Variants in GSE1 observed in about 807,000 individuals in gnomAD.
GSE1 encodes genetic suppressor element 1.
GSE1 carries 32 observed loss-of-function variants against 112.6 expected under a neutral mutation model. The observed-to-expected ratio is 0.28, with a 90% confidence interval of 0.21 to 0.38. The LOEUF is 0.38. Among genes scored for constraint, GSE1 ranks in the 10% least tolerant of loss-of-function variants. GSE1 has a pLI of 1.00. For missense variants in GSE1, 2,348 were observed against 1,699.2 expected, an observed-to-expected ratio of 1.38 and a Z score of -6.71; for synonymous variants, 1,115 against 735.6, an observed-to-expected ratio of 1.52 and a Z score of -8.35.
At chr16:85,201,167 G>A (rs993120892) in intron 1 of GSE1, among the ~76,000 whole-genome samples, 1 of 152,042 alleles carries the variant, frequency 6.6e-6, no homozygotes, top group Non-Finnish European at 1.5e-5. Context: ...CAACCTCCCC[G>A]GTTTAAGTGA....
intron 1 of GSE1, among the ~76,000 whole-genome samples, chr16:85,180,423 G>A (rs1438290237): frequency 1.3e-5 from 2 of 152,182 alleles, no homozygotes; most frequent in South Asian, 2.1e-4. Context: ...CACAGAAAGG[G>A]TATTTAGGTT....
At chr16:85,537,470 G>C (rs1330263177) in intron 2 of GSE1, among the ~76,000 whole-genome samples, 1 of 152,196 alleles carries the variant, frequency 6.6e-6, no homozygotes, top group Non-Finnish European at 1.5e-5. Context: ...GCCCAACCTG[G>C]GGTCAACGGG....
chr16:85,271,067 C>T (rs1042523742), intron 1 of GSE1, among the ~76,000 whole-genome samples: 1 of 152,224 alleles, frequency 6.6e-6, no homozygotes, highest in African/African-American at 2.4e-5. Context: ...CTTTCTGTGG[C>T]CCAGCAGCCC....
chr16:85,474,447 G>T (rs2050390086), intron 2 of GSE1, among the ~76,000 whole-genome samples: 1 of 152,130 alleles, frequency 6.6e-6, no homozygotes, highest in Non-Finnish European at 1.5e-5. Context: ...GGGCAGTGGG[G>T]ATGCCAGAGG....
At chr16:85,634,953 G>T (rs1282832692) in intron 2 of GSE1, among the ~76,000 whole-genome samples, 1 of 126,676 alleles carries the variant, frequency 7.9e-6, no homozygotes, top group Non-Finnish European at 1.6e-5. Context: ...GCTGACAGGC[G>T]GGGGGGCTGA....
At chr16:85,596,024 C>G (rs1305859357) in intron 1 of GSE1, among the ~76,000 whole-genome samples, 2 of 149,494 alleles carry the variant, frequency 1.3e-5, no homozygotes, top group African/African-American at 2.5e-5. Context: ...ATCTGCCCAC[C>G]CATCCATCTA....
chr16:85,537,647 C>T (rs2044376751), intron 2 of GSE1, among the ~76,000 whole-genome samples: 1 of 152,218 alleles, frequency 6.6e-6, no homozygotes, highest in African/African-American at 2.4e-5. Flanking sequence ...TTCCGAGGCG[C>T]CTGGTTGGCT....
intron 1 of GSE1, among the ~76,000 whole-genome samples, chr16:85,349,883 G>C (rs1235908795): frequency 6.6e-6 from 1 of 152,210 alleles, no homozygotes; most frequent in East Asian, 1.9e-4. Flanking sequence ...GTGCGGCCTG[G>C]GTTGCTGTAC....
intron 1 of GSE1, among the ~76,000 whole-genome samples, chr16:85,559,554 T>C (rs2045412429): frequency 6.6e-6 from 1 of 152,186 alleles, no homozygotes; most frequent in Admixed American, 6.5e-5. Flanking sequence ...TGTCCAGCCA[T>C]TGCCCCAGGG....
chr16:85,355,872 A>C (rs559964875), intron 1 of GSE1, among the ~76,000 whole-genome samples: 258 of 152,024 alleles, frequency 1.7e-3, no homozygotes, highest in African/African-American at 5.8e-3. Flanking sequence ...GAAACAAAAA[A>C]CAAAATGAGC....
At chr16:85,496,694 G>C (rs1463284806) in intron 2 of GSE1, among the ~76,000 whole-genome samples, 2 of 152,232 alleles carry the variant, frequency 1.3e-5, no homozygotes, top group African/African-American at 4.8e-5. Context: ...AACAGGATTC[G>C]AGGCCGGGTT....
rs191692905 is a variant in GSE1, at chr16:85,175,594, G to A, written c.2283+3787G>A. On this transcript the variant is annotated intron_variant, in intron 1 of 2. Transcript: ENST00000637419. ...CCCGCCCCCGTGAAGTGCTGCTGGC[G>A]CGACGCTGGGTTTCTGAGATTGCAG... Among the ~76,000 whole-genome samples, 4 of 152,334 alleles carry A rather than the reference G, an allele frequency of 2.6e-5. No homozygotes were observed. In the East Asian group the frequency reaches 7.7e-4, roughly 29 times the overall value.
chr16:85,611,989 GCAC>G (rs1435752838), upstream of GSE1, among the ~76,000 whole-genome samples: 1 of 152,164 alleles, frequency 6.6e-6, no homozygotes, highest in East Asian at 1.9e-4. Flanking sequence ...GTCGAAACCC[GCAC>G]CGCAGCGCAG....
At chr16:85,492,982 T>C (rs2051057498) in intron 2 of GSE1, among the ~76,000 whole-genome samples, 1 of 152,196 alleles carries the variant, frequency 6.6e-6, no homozygotes, top group Non-Finnish European at 1.5e-5. Context: ...GTGATCGGTC[T>C]GTGGGAATGC....
chr16:85,276,999 C>T (rs1909433011), intron 1 of GSE1, among the ~76,000 whole-genome samples: 1 of 152,064 alleles, frequency 6.6e-6, no homozygotes, highest in African/African-American at 2.4e-5. Context: ...GCAGGGGGAC[C>T]CTGAGGGTTT....
intron 1 of GSE1, among the ~76,000 whole-genome samples, chr16:85,327,120 G>A (rs2046242387): frequency 6.6e-6 from 1 of 152,192 alleles, no homozygotes; most frequent in Admixed American, 6.5e-5. Flanking sequence ...CCTCTCCCTG[G>A]GCAACCTGGG....
chr16:85,493,906 C>A (rs1208694452), intron 2 of GSE1, among the ~76,000 whole-genome samples: 4 of 151,566 alleles, frequency 2.6e-5, no homozygotes. Context: ...ATAAGTGAGA[C>A]CTTGTCTCTA....
rs78545207 is a variant in GSE1 at position 85,344,010 on chromosome 16, G to C, written c.2284-13453G>C. ...CGCGCCTGAAACACTATTCCCCCAG[G>C]AACATGGCTCCTTACATAACTCAGA... On this transcript the variant is annotated intron_variant, in intron 1 of 2. Transcript: ENST00000637419. Among the ~76,000 whole-genome samples the C allele has an allele frequency of 4.5e-3, 690 of 152,280 alleles. 3 individuals are homozygous for C. The highest frequency in any genetic ancestry group is 7.9e-3 in the Non-Finnish European group (535 of 68,028).
chr16:85,371,093 C>T (rs571272595), intron 2 of GSE1, among the ~76,000 whole-genome samples: 2 of 152,306 alleles, frequency 1.3e-5, no homozygotes, highest in East Asian at 1.9e-4. Flanking sequence ...GAGCCGGAGG[C>T]GTCCTCTTCT....
Sources: allele counts gnomAD v4.1 joint callset (sites outside exome capture counted in the v4.1 genomes callset), GRCh38; gene constraint gnomAD v4.1.1; transcripts MANE v1.5; gene names NCBI Gene and HGNC (gene_info 2026-07-23, HGNC 2026-07-21).